KALRN: variants seen among roughly 807,000 people sequenced by gnomAD.
The protein encoded by KALRN is kalirin.
In KALRN, 70 loss-of-function variants were observed where a neutral mutation model predicts 353.7. The ratio of observed to expected loss-of-function variants is 0.20; its 90% CI spans 0.16 to 0.24. KALRN has a LOEUF of 0.24. KALRN is among the 10% of genes least tolerant of loss of function. The probability of loss-of-function intolerance (pLI) is 1.00; values close to 1 mark genes in which losing one functional copy is unlikely to be tolerated. For missense variants in KALRN, 2,791 were observed against 3,756.7 expected (o/e 0.74, Z 6.72); for synonymous variants, 1,391 against 1,434.8 (o/e 0.97, Z 0.69).
intron 34 of KALRN, among the ~76,000 whole-genome samples, chr3:124,589,997 C>T (rs2075615759): frequency 6.6e-6 from 1 of 152,152 alleles, no homozygotes; most frequent in Admixed American, 6.6e-5. Context: ...GGGATGTACT[C>T]TATTTCTATC....
chr3:124,641,037 C>G (rs2081987503), intron 37 of KALRN, among the ~76,000 whole-genome samples: 1 of 152,156 alleles, frequency 6.6e-6, no homozygotes, highest in African/African-American at 2.4e-5. Flanking sequence ...TGGCTCCACC[C>G]AAAGGCCATG....
intron 33 of KALRN, among the ~76,000 whole-genome samples, chr3:124,510,007 G>A (rs554121956): frequency 3.0e-4 from 45 of 152,318 alleles, no homozygotes; most frequent in Middle Eastern, 3.4e-3. Flanking sequence ...AGCTGATGGA[G>A]GAACTAACTC....
chr3:124,112,025 C>T (rs536469595), intron 1 of KALRN, among the ~76,000 whole-genome samples: 24 of 152,142 alleles, frequency 1.6e-4, no homozygotes, highest in South Asian at 2.1e-4. Flanking sequence ...GAATCCTGGC[C>T]GGGCACGGTG....
At position 124,519,521 on chromosome 3, in the gene KALRN, G is replaced by A. The variant is rs2066987826; in HGVS notation, c.4935+23108G>A. 1.0e-5 allele frequency: 10 copies of A among 985,226 alleles called. No individual in the cohort carries two copies. The South Asian group carries it at 4.7e-4, about 46-fold the overall frequency. 61.0% of individuals were successfully genotyped at this position (985,226 alleles called of 1,614,324 possible). On this transcript the variant is annotated intron_variant, in intron 33 of 59. Transcript: ENST00000682506. ...ATAGATTAAACCTGATTTCTGAGAG[G>A]TCCTGAAGTTGGGCTTATTTCCCTG...
At chr3:124,131,566 A>G (rs182819059) in intron 1 of KALRN, among the ~76,000 whole-genome samples, 3 of 152,362 alleles carry the variant, frequency 2.0e-5, no homozygotes, top group Non-Finnish European at 2.9e-5. Flanking sequence ...TGCTGTTGAC[A>G]AAGACAATGC....
At chr3:124,127,087 C>T (rs2064771874) in intron 1 of KALRN, among the ~76,000 whole-genome samples, 1 of 152,196 alleles carries the variant, frequency 6.6e-6, no homozygotes, top group Non-Finnish European at 1.5e-5. Context: ...TGTGGCAAGG[C>T]AGCTCAGAGA....
At chr3:124,289,688 T>G (rs2076257164) in intron 5 of KALRN, among the ~76,000 whole-genome samples, 1 of 152,200 alleles carries the variant, frequency 6.6e-6, no homozygotes, top group African/African-American at 2.4e-5. Flanking sequence ...AGATGGACAC[T>G]AGAGTCCAAT....
intron 5 of KALRN, among the ~76,000 whole-genome samples, chr3:124,290,925 A>G (rs2076363727): frequency 6.6e-6 from 1 of 152,230 alleles, no homozygotes; most frequent in African/African-American, 2.4e-5. Context: ...AAAGAAGACA[A>G]GAGGTTTATA....
chr3:124,189,584 C>T (rs1187119338), intron 1 of KALRN, among the ~76,000 whole-genome samples: 1 of 152,156 alleles, frequency 6.6e-6, no homozygotes, highest in Non-Finnish European at 1.5e-5. Flanking sequence ...GGGTGGATCA[C>T]CTGAGGTCAG....
chr3:124,469,642 C>T (rs2107870448), intron 25 of KALRN, among the ~76,000 whole-genome samples: 1 of 152,272 alleles, frequency 6.6e-6, no homozygotes, highest in East Asian at 1.9e-4. Context: ...AATACATGAA[C>T]CTCACACCTT....
At chr3:124,300,864 T>G (rs928665521) in intron 6 of KALRN, among the ~76,000 whole-genome samples, 2 of 152,212 alleles carry the variant, frequency 1.3e-5, no homozygotes, top group Admixed American at 6.5e-5. Flanking sequence ...TAAAGACTCA[T>G]TTTCTTCCCA....
At chr3:124,514,073 A>G (rs1382392873) in intron 33 of KALRN, among the ~76,000 whole-genome samples, 1 of 152,178 alleles carries the variant, frequency 6.6e-6, no homozygotes, top group Non-Finnish European at 1.5e-5. Context: ...TCATGGTATT[A>G]ATTTATGTCT....
intron 51 of KALRN, among the ~76,000 whole-genome samples, chr3:124,693,225 C>T (rs952199327): frequency 1.3e-5 from 2 of 151,838 alleles, no homozygotes; most frequent in African/African-American, 2.4e-5. Flanking sequence ...AAGAGACAGA[C>T]GACTTCTCTT....
intron 37 of KALRN, among the ~76,000 whole-genome samples, chr3:124,642,143 G>A (rs1258213657): frequency 6.6e-6 from 1 of 152,134 alleles, no homozygotes; most frequent in Non-Finnish European, 1.5e-5. Flanking sequence ...AATTAGATGG[G>A]CGTGGTGGCA....
intron 37 of KALRN, among the ~76,000 whole-genome samples, chr3:124,650,276 G>A (rs1218505060): frequency 1.3e-5 from 2 of 152,186 alleles, no homozygotes; most frequent in African/African-American, 2.4e-5. Context: ...GGGTTGTACA[G>A]CTATTATCTC....
intron 51 of KALRN, among the ~76,000 whole-genome samples, chr3:124,682,534 A>G (rs1446709160): frequency 6.6e-6 from 1 of 152,178 alleles, no homozygotes; most frequent in East Asian, 1.9e-4. Context: ...CTAGCTGTGC[A>G]TAGGCTCTCA....
Position 124,090,963 on chromosome 3 carries a change from A to C in KALRN, c.73+57150A>C, listed in dbSNP as rs1025128659. On this transcript the variant is annotated intron_variant, in intron 1 of 59. Transcript: ENST00000682506. ...TGTCTAGATGATACTTACTTGCTGT[A>C]GATACTGTCCTCAGGTGTGGACCTA... is the stretch of plus-strand genomic sequence containing the variant. 4.0e-4 allele frequency among the ~76,000 whole-genome samples: 61 copies of C among 152,318 alleles called. 1 individual carries two copies. Among genetic ancestry groups the C allele is most frequent in the East Asian group, 7.7e-4 (4 of 5,164 alleles).
chr3:124,268,643 A>C, intron 4 of KALRN, 100 bp from the exon 5 acceptor site: 1 of 1,269,626 alleles, frequency 7.9e-7, no homozygotes, highest in Non-Finnish European at 1.1e-6. Context: ...GGCTGTGGTC[A>C]TTATTATGTG....
intron 57 of KALRN, among the ~76,000 whole-genome samples, chr3:124,707,272 G>A (rs2062669186): frequency 3.9e-5 from 6 of 152,108 alleles, no homozygotes; most frequent in Admixed American, 3.9e-4. Context: ...GAGCCTGGGA[G>A]GTCGAGATCG....
Sources: allele counts gnomAD v4.1 joint callset (sites outside exome capture counted in the v4.1 genomes callset), GRCh38; gene constraint gnomAD v4.1.1; transcripts MANE v1.5; gene names NCBI Gene and HGNC (gene_info 2026-07-23, HGNC 2026-07-21).